Variants in GALNT13 observed in about 807,000 individuals in gnomAD.
GALNT13 encodes the protein UDP-GalNAc:polypeptide N-acetylgalactosaminyltransferase 13.
GALNT13 carries 28 observed loss-of-function variants against 64.2 expected under a neutral mutation model. The observed-to-expected ratio is 0.44, with a 90% CI of 0.32 to 0.60. The LOEUF (loss-of-function observed/expected upper bound fraction) is 0.60. Among genes scored for constraint, GALNT13 ranks in the 20% least tolerant of loss-of-function variants. The probability of loss-of-function intolerance (pLI) is 0.05; values close to 1 mark genes in which losing one functional copy is unlikely to be tolerated. For synonymous variants in GALNT13, 214 were observed against 224.6 expected (o/e 0.95, Z 0.42); for missense variants, 577 against 669.8 (o/e 0.86, Z 1.53).
the GALNT13 span, among the ~76,000 whole-genome samples, chr2:153,721,730 AG>A: frequency 6.6e-6 from 1 of 152,072 alleles, no homozygotes; most frequent in African/African-American, 2.4e-5. Context: ...ATAATGGTAA[AG>A]GGATCAATTC....
chr2:153,247,258 AC>A, the GALNT13 span, among the ~76,000 whole-genome samples: 2 of 152,186 alleles, frequency 1.3e-5, no homozygotes, highest in African/African-American at 4.8e-5. Flanking sequence ...CATATTCAGG[AC>A]TTGAAATCAA....
At chr2:153,541,218 G>A in the GALNT13 span, among the ~76,000 whole-genome samples, 2 of 152,100 alleles carry the variant, frequency 1.3e-5, no homozygotes, top group East Asian at 3.9e-4. Context: ...TTGTATAAGG[G>A]GCTTTTCCCT....
the GALNT13 span, among the ~76,000 whole-genome samples, chr2:153,181,470 T>C: frequency 6.6e-6 from 1 of 151,598 alleles, no homozygotes; most frequent in Non-Finnish European, 1.5e-5. Flanking sequence ...TTGAGAAGAA[T>C]GTGCATTCAT....
chr2:153,260,300 C>T, the GALNT13 span, among the ~76,000 whole-genome samples: 73 of 152,236 alleles, frequency 4.8e-4, 1 homozygote, highest in Non-Finnish European at 6.6e-4. Flanking sequence ...GAATTTTATA[C>T]CTTCACATGA....
chr2:154,304,368 T>G (rs1424175392), intron 9 of GALNT13, among the ~76,000 whole-genome samples: 1 of 152,218 alleles, frequency 6.6e-6, no homozygotes, highest in African/African-American at 2.4e-5. Context: ...CATTTTCTTT[T>G]GATGATACTT....
chr2:153,387,530 A>G, the GALNT13 span, among the ~76,000 whole-genome samples: 1 of 151,996 alleles, frequency 6.6e-6, no homozygotes, highest in Non-Finnish European at 1.5e-5. Context: ...GCATCAAGGT[A>G]TTTTTCTTTT....
the GALNT13 span, among the ~76,000 whole-genome samples, chr2:153,848,083 T>C: frequency 6.6e-6 from 1 of 152,178 alleles, no homozygotes; most frequent in Non-Finnish European, 1.5e-5. Context: ...CATTCAAGTA[T>C]TCCCAAGACA....
At chr2:153,953,197 G>T (rs571277637) in intron 3 of GALNT13, among the ~76,000 whole-genome samples, 1 of 152,106 alleles carries the variant, frequency 6.6e-6, no homozygotes, top group East Asian at 1.9e-4. Context: ...ACCTTTCTTT[G>T]TCTTATTCTG....
the GALNT13 span, among the ~76,000 whole-genome samples, chr2:153,561,860 T>A: frequency 0.15 from 22,061 of 152,120 alleles, 2,337 homozygotes; most frequent in African/African-American, 0.3. Flanking sequence ...TTTGTAAATG[T>A]TTTCTTCCTA....
intron 3 of GALNT13, among the ~76,000 whole-genome samples, chr2:154,083,903 C>T (rs571296926): frequency 6.6e-6 from 1 of 151,840 alleles, no homozygotes; most frequent in African/African-American, 2.4e-5. Context: ...GTTGGAGAAT[C>T]CTAGAAAATG....
the GALNT13 span, among the ~76,000 whole-genome samples, chr2:153,499,135 G>T: frequency 6.6e-6 from 1 of 152,180 alleles, no homozygotes; most frequent in Non-Finnish European, 1.5e-5. Context: ...ACAGGCGTGA[G>T]CCATTGTGCC....
At chr2:153,425,064 T>C in the GALNT13 span, among the ~76,000 whole-genome samples, 659 of 151,842 alleles carry the variant, frequency 4.3e-3, 2 homozygotes, top group Non-Finnish European at 7.4e-3. Context: ...ATGAAAATAA[T>C]ATTATATATT....
At chr2:153,265,394 G>A in the GALNT13 span, among the ~76,000 whole-genome samples, 1 of 152,138 alleles carries the variant, frequency 6.6e-6, no homozygotes, top group Non-Finnish European at 1.5e-5. Flanking sequence ...TGACCTAAAT[G>A]TTCTCTCCAT....
At chr2:153,166,783 A>G in the GALNT13 span, among the ~76,000 whole-genome samples, 1 of 152,138 alleles carries the variant, frequency 6.6e-6, no homozygotes, top group African/African-American at 2.4e-5. Flanking sequence ...CCTGGCCTTC[A>G]GGGTTCAGGC....
chr2:153,584,373 A>G, the GALNT13 span, among the ~76,000 whole-genome samples: 16 of 152,172 alleles, frequency 1.1e-4, no homozygotes, highest in Middle Eastern at 3.4e-3. Flanking sequence ...ACACCTAAGC[A>G]CTTCTCAGGA....
At chr2:153,485,705 C>G in the GALNT13 span, among the ~76,000 whole-genome samples, 1 of 152,084 alleles carries the variant, frequency 6.6e-6, no homozygotes, top group Non-Finnish European at 1.5e-5. Flanking sequence ...GAGTCCCAGA[C>G]CAGCAACACA....
chr2:154,096,120 A>G (rs1702061187), intron 3 of GALNT13, among the ~76,000 whole-genome samples: 1 of 151,970 alleles, frequency 6.6e-6, no homozygotes, highest in South Asian at 2.1e-4. Context: ...TATGATACAT[A>G]TTTTTACACA....
the GALNT13 span, among the ~76,000 whole-genome samples, chr2:153,473,236 G>A: frequency 1.7e-4 from 26 of 152,166 alleles, no homozygotes; most frequent in South Asian, 6.2e-4. Context: ...ACAGTCCTTA[G>A]AGGAGCTCTG....
the GALNT13 span, among the ~76,000 whole-genome samples, chr2:153,177,274 G>C: frequency 6.6e-6 from 1 of 152,130 alleles, no homozygotes; most frequent in African/African-American, 2.4e-5. Context: ...TATGCCTATT[G>C]TACTTCTGAC....
Sources: allele counts gnomAD v4.1 joint callset (sites outside exome capture counted in the v4.1 genomes callset), GRCh38; gene constraint gnomAD v4.1.1; transcripts MANE v1.5; gene names NCBI Gene and HGNC (gene_info 2026-07-23, HGNC 2026-07-21).